Variants in PLEC observed in about 807,000 individuals in gnomAD.
PLEC encodes plectin, also known as hemidesmosomal protein 1.
PLEC carries 216 observed loss-of-function variants against 392.8 expected under a neutral mutation model. The observed-to-expected ratio is 0.55, with a 90% CI of 0.49 to 0.62. The LOEUF (loss-of-function observed/expected upper bound fraction) is 0.62, where lower values mean the gene tolerates loss of function less well. Ranked by LOEUF, PLEC falls within the 20% of genes least tolerant of loss-of-function variation. PLEC has a pLI of 0.00. For missense variants in PLEC, 6,863 were observed against 6,563.4 expected, an observed-to-expected ratio of 1.05 and a Z score of -1.58; for synonymous variants, 3,621 against 2,980.6, an observed-to-expected ratio of 1.21 and a Z score of -7.00.
chr8:143,942,243 G>C, upstream of PLEC: 1 of 858,254 alleles, frequency 1.2e-6, no homozygotes, highest in African/African-American at 1.7e-5. Flanking sequence ...TCCTCCCCAG[G>C]TGTTTCCGGA....
chr8:143,965,733 G>A (rs182737749), intron 1 of PLEC, among the ~76,000 whole-genome samples: 3 of 152,300 alleles, frequency 2.0e-5, no homozygotes, highest in South Asian at 2.1e-4. Flanking sequence ...CCCAACCCTG[G>A]GAAAATCTCC....
intron 26 of PLEC, 29 bp downstream of exon 26, chr8:143,927,822 CCCG>C (rs782468174): frequency 1.0e-5 from 16 of 1,578,342 alleles, no homozygotes; most frequent in Middle Eastern, 1.7e-4. Flanking sequence ...GTACCCCCAC[CCCG>C]CCATGAAGCC....
At chr8:143,974,829 A>G (rs1217339906), upstream of PLEC, among the ~76,000 whole-genome samples, 1 of 152,044 alleles carries the variant, frequency 6.6e-6, no homozygotes, top group Non-Finnish European at 1.5e-5. This position sits in a 1 kb window ranked among gnomAD's most constrained non-coding sequence, Gnocchi z 5.9. Context: ...CTCCCTATAC[A>G]CTGCTCCTGT....
chr8:143,935,136 C>T lies in PLEC; in HGVS notation c.719-19G>A, dbSNP rs1828659871. 1 of 1,612,332 alleles carries T rather than the reference C, an allele frequency of 6.2e-7. No individual in the cohort carries two copies. Among genetic ancestry groups the T allele is most frequent in the African/African-American group, 1.3e-5 (1 of 74,896 alleles). ...TCCACGTCTGCAGGGAAGGGCAGCTCAGCGGTGGCTCTGGGGCAGGCAGCA... is the reference window on the plus strand; with the variant it reads ...TCCACGTCTGCAGGGAAGGGCAGCTTAGCGGTGGCTCTGGGGCAGGCAGCA... On this transcript the variant is annotated intron_variant, in intron 7 of 31. Transcript: ENST00000345136.
At chr8:143,925,983 G>C in intron 30 of PLEC, 99 bp from the exon 31 acceptor site, 1 of 1,322,862 alleles carries the variant, frequency 7.6e-7, no homozygotes, top group Non-Finnish European at 1.0e-6. Context: ...AGACAGCGCG[G>C]AGCAGGGGTC....
intron 1 of PLEC, among the ~76,000 whole-genome samples, chr8:143,970,389 G>A (rs186695724): frequency 2.6e-4 from 40 of 152,132 alleles, no homozygotes; most frequent in African/African-American, 8.9e-4. Flanking sequence ...TGGGGCGATC[G>A]CTGTGCATGA....
upstream of PLEC, among the ~76,000 whole-genome samples, chr8:143,954,899 G>A (rs938026761): frequency 3.3e-5 from 5 of 152,180 alleles, no homozygotes; most frequent in Non-Finnish European, 7.4e-5. The surrounding 1 kb of genome is among the most constrained non-coding windows in gnomAD (Gnocchi z 4.6). Context: ...GCCTTCACCC[G>A]CAAGTCCTTC....
rs782312256 is a variant in PLEC, at chr8:143,924,010, C to T, written c.5919G>A (p.Arg1973=). Residue 1973 remains arginine, a synonymous_variant, in exon 31 of 32, where the codon CGG becomes CGA. Transcript: ENST00000345136. ...GCCGCTCCTCCTCCGCCGCCAGCTGCCGCTGCCTCGCAGCCTCCAGCTCGG... is the reference window on the plus strand; with the variant it reads ...GCCGCTCCTCCTCCGCCGCCAGCTGTCGCTGCCTCGCAGCCTCCAGCTCGG... ...EQAELEAARQ[R]QLAAEEERRR... The T allele has an allele frequency of 1.4e-5, 22 of 1,588,500 alleles. No homozygotes were observed. The highest frequency in any genetic ancestry group is 1.8e-5 in the Non-Finnish European group (21 of 1,173,616).
At chr8:143,972,211 C>T (rs1231166804) in intron 1 of PLEC, among the ~76,000 whole-genome samples, 1 of 152,222 alleles carries the variant, frequency 6.6e-6, no homozygotes, top group African/African-American at 2.4e-5. Flanking sequence ...TGCTTCCCTG[C>T]CCTATACCCC....
In PLEC at chr8:143,919,990, G is replaced by A. The variant is rs531993412; in HGVS notation, c.9831C>T (p.Gly3277=). 18 of 1,613,310 alleles carry A rather than the reference G, an allele frequency of 1.1e-5. No individual in the cohort carries two copies. Among genetic ancestry groups the A allele is most frequent in the East Asian group, 1.1e-4 (5 of 44,880 alleles). The change falls in exon 32 of 32, where the codon GGC becomes GGT. Residue 3277 remains glycine (G), a synonymous_variant. Transcript: ENST00000345136. ...RQELLRQFRT[G]KVTVEKVIKI... Reference sequence around the variant, plus strand: ...TGATGACCTTCTCCACGGTGACCTTGCCCGTGCGGAACTGACGCAACAGCT... The same window carrying A: ...TGATGACCTTCTCCACGGTGACCTTACCCGTGCGGAACTGACGCAACAGCT...
intron 1 of PLEC, among the ~76,000 whole-genome samples, chr8:143,962,289 G>A (rs1237293691): frequency 6.6e-6 from 1 of 152,260 alleles, no homozygotes; most frequent in Non-Finnish European, 1.5e-5. Context: ...CCAAGGGGCA[G>A]TGGAGTTGGA....
chr8:143,976,017 C>T (rs1001542277), upstream of PLEC, among the ~76,000 whole-genome samples: 1 of 152,220 alleles, frequency 6.6e-6, no homozygotes, highest in Non-Finnish European at 1.5e-5. Flanking sequence ...TCCAAGCTCT[C>T]TCGACCTCTA....
chr8:143,975,357 C>T, upstream of PLEC: 1 of 1,609,148 alleles, frequency 6.2e-7, no homozygotes, highest in Non-Finnish European at 8.5e-7. The surrounding 1 kb of genome is among the most constrained non-coding windows in gnomAD (Gnocchi z 9.9). Flanking sequence ...ACCTCAGCGT[C>T]CTCACCCGAC....
At chr8:143,951,327 G>C (rs1419706209), upstream of PLEC, among the ~76,000 whole-genome samples, 7 of 152,096 alleles carry the variant, frequency 4.6e-5, no homozygotes, top group Admixed American at 4.6e-4. Flanking sequence ...TGAGGGATGC[G>C]AGGCTTGAGC....
chr8:143,971,067 C>T (rs1352020782), intron 1 of PLEC, among the ~76,000 whole-genome samples: 1 of 152,170 alleles, frequency 6.6e-6, no homozygotes. Context: ...GAGCAGTGGC[C>T]GCCTGACTGT....
Position 143,973,305 on chromosome 8 carries a change from CTCGGGCCGGCGA to C in PLEC, c.70+86_70+97del, listed in dbSNP as rs2132989686. The stretch of plus-strand genomic sequence containing the variant: ...GGACGAGGCCGGCGGAGTGGCCGCG[CTCGGGCCGGCGA>C]TCGGGACCGCCACCGTGGACGACAA... On this transcript the variant is annotated intron_variant, in intron 1 of 31. Coordinates refer to the PLEC transcript ENST00000356346. The surrounding 1 kb of genome is among the most constrained non-coding windows in gnomAD (Gnocchi z 5.6). 7 of 1,461,564 alleles carry C rather than the reference CTCGGGCCGGCGA, an allele frequency of 4.8e-6. No homozygotes were observed. Among genetic ancestry groups the C allele is most frequent in the South Asian group, 1.2e-5 (1 of 81,442 alleles). The allele number at this position is 1,461,564 out of a possible 1,614,324, so 90.5% of individuals were successfully genotyped here. A position where few individuals can be genotyped will look rare whatever the true frequency, so the allele number is the denominator to read the frequency against.
At position 143,929,491 on chromosome 8, in the gene PLEC, G is replaced by A. The variant is rs782459117; in HGVS notation, c.3004C>T (p.Arg1002Cys). 2.1e-5 allele frequency: 34 copies of A among 1,609,662 alleles called. No homozygotes were observed. The highest frequency in any genetic ancestry group is 4.5e-5 in the East Asian group (2 of 44,796). ...GGCAGCCGCAGGCGGTGCACGGTGCGCGTCTCACAGGCCTCCAGCTGCAGC... is the reference window on the plus strand; with the variant it reads ...GGCAGCCGCAGGCGGTGCACGGTGCACGTCTCACAGGCCTCCAGCTGCAGC... ...IRLQLEACET[R>C]TVHRLRLPLD... Residue 1002 changes from arginine (R) to cysteine (C), a missense_variant, in exon 24 of 32, where the codon CGC (arginine) becomes TGC (cysteine). Physicochemically the swap from Arg to Cys is radical, Grantham distance 180. Transcript: ENST00000345136.
intron 12 of PLEC, 68 bp from the exon 13 acceptor site, chr8:143,933,419 A>T: frequency 6.3e-7 from 1 of 1,587,994 alleles, no homozygotes. Flanking sequence ...GCCCCGGCCA[A>T]GACGGCCACC....
chr8:143,920,859 C>A lies in PLEC; in HGVS notation c.8962G>T (p.Glu2988Ter), dbSNP rs1375703120. 6.2e-7 allele frequency: 1 copy of A among 1,610,010 alleles called. No individual in the cohort carries two copies. The highest frequency in any genetic ancestry group is 8.5e-7 in the Non-Finnish European group (1 of 1,179,920). ...RSLVPAAELL[E>*]SRVIDRELYQ... is the part of the protein sequence containing the mutation. Reference sequence around the variant, plus strand: ...AGCTCGCGGTCGATGACCCTGCTCTCCAGCAGCTCGGCGGCTGGCACCAGG... The same window carrying A: ...AGCTCGCGGTCGATGACCCTGCTCTACAGCAGCTCGGCGGCTGGCACCAGG... The change falls in exon 32 of 32, where the codon GAG (glutamate) becomes TAG (stop). Residue 2988 changes from glutamate (E) to a stop codon, truncating the protein, a stop_gained. Coordinates refer to ENST00000345136, the MANE Select transcript of PLEC (RefSeq NM_201384.3). LOFTEE classifies it high-confidence loss of function.
Sources: gnomAD v4.1 joint callset for allele counts (sites outside exome capture counted in the v4.1 genomes callset) on GRCh38, gnomAD v4.1.1 for gene constraint, Gnocchi (gnomAD v3.1) non-coding constraint, MANE v1.5 for transcripts, NCBI Gene and HGNC (gene_info 2026-07-23, HGNC 2026-07-21) for gene names.